ANOS1: variants seen among roughly 807,000 people sequenced by gnomAD.
ANOS1 encodes the protein anosmin-1.
Under a neutral mutation model 59.0 loss-of-function variants are expected in ANOS1, and 6 were observed. That is an observed-to-expected ratio of 0.10 (90% CI 0.06 to 0.20). The LOEUF is 0.20. ANOS1 is among the 10% of genes least tolerant of loss of function. ANOS1 has a pLI of 1.00. For synonymous variants in ANOS1, 217 were observed against 223.4 expected (o/e 0.97, Z 0.25); for missense variants, 433 against 542.3 (o/e 0.80, Z 2.00).
intron 2 of ANOS1, among the ~76,000 whole-genome samples, chrX:8,677,580 T>C (rs954007295): frequency 4.5e-5 from 5 of 111,455 alleles, no homozygotes; most frequent in African/African-American, 1.3e-4. Context: ...ACACCTACTA[T>C]GTACCCACAC....
chrX:8,614,183 C>A (rs139299421), intron 3 of ANOS1, among the ~76,000 whole-genome samples: 55 of 111,344 alleles, frequency 4.9e-4, no homozygotes, highest in African/African-American at 1.8e-3. Flanking sequence ...AATTTGTGCT[C>A]CATGTATCTC....
intron 2 of ANOS1, among the ~76,000 whole-genome samples, chrX:8,684,869 G>A (rs1468567941): frequency 9.0e-6 from 1 of 110,642 alleles, no homozygotes; most frequent in East Asian, 2.9e-4. Context: ...GCGGAAGCCA[G>A]AGGAGCTGCG....
rs767228836 is a variant in ANOS1, at chrX:8,649,880, G to T, written c.256-26210C>A. 3.6e-5 allele frequency among the ~76,000 whole-genome samples: 4 copies of T among 112,558 alleles called. No individual in the cohort carries two copies. In the East Asian group the frequency reaches 1.1e-3, roughly 32 times the overall value. ...TCAAGGTGGCCCCTCACTTGTAGGA[G>T]CCCCTTCCATGGCACTGGAAGAGAC... On this transcript the variant is annotated intron_variant, in intron 2 of 13. Transcript: ENST00000262648.
At chrX:8,547,980 G>A (rs1214773592) in intron 9 of ANOS1, among the ~76,000 whole-genome samples, 1 of 112,161 alleles carries the variant, frequency 8.9e-6, no homozygotes, top group Admixed American at 9.4e-5. Context: ...CTCCCAAAGT[G>A]CTGGGATTAC....
At chrX:8,651,148 G>C (rs988427686) in intron 2 of ANOS1, among the ~76,000 whole-genome samples, 1 of 112,160 alleles carries the variant, frequency 8.9e-6, no homozygotes, top group Non-Finnish European at 1.9e-5. Context: ...CGCTGAGGGC[G>C]GCCAAGCCAC....
intron 3 of ANOS1, among the ~76,000 whole-genome samples, chrX:8,608,897 T>A (rs1601976807): frequency 2.7e-5 from 3 of 112,315 alleles, no homozygotes; most frequent in African/African-American, 9.7e-5. Flanking sequence ...TTTCCTGAGG[T>A]CTCTCCAGCC....
At chrX:8,585,429 T>C (rs1184264827) in intron 5 of ANOS1, 33 bp from the exon 6 acceptor site, 7 of 1,207,019 alleles carry the variant, frequency 5.8e-6, no homozygotes, top group Non-Finnish European at 5.6e-6. Context: ...ACAGGGAACA[T>C]GTCACTTTTT....
chrX:8,617,124 C>G (rs2146841591), intron 3 of ANOS1, among the ~76,000 whole-genome samples: 1 of 112,014 alleles, frequency 8.9e-6, no homozygotes, highest in Admixed American at 9.5e-5. Context: ...GGTACAAATT[C>G]TATGTGCTTC....
At chrX:8,563,216 A>G (rs1930059766) in intron 8 of ANOS1, among the ~76,000 whole-genome samples, 1 of 112,061 alleles carries the variant, frequency 8.9e-6, no homozygotes, top group South Asian at 3.7e-4. Flanking sequence ...TTCCTTTTCT[A>G]ATCTATGTAA....
At chrX:8,621,774 A>G (rs1441952314) in intron 3 of ANOS1, among the ~76,000 whole-genome samples, 1 of 111,829 alleles carries the variant, frequency 8.9e-6, no homozygotes, top group Non-Finnish European at 1.9e-5. Context: ...ATTAGAATCA[A>G]GTTACCATCA....
chrX:8,565,833 T>C (rs1172513717), intron 8 of ANOS1: 1 of 144,814 alleles, frequency 6.9e-6, no homozygotes, highest in Non-Finnish European at 1.2e-5. Flanking sequence ...ATTTGAAATA[T>C]CTGCAAGCCA....
chrX:8,611,102 A>G (rs1931049128), intron 3 of ANOS1, among the ~76,000 whole-genome samples: 1 of 111,099 alleles, frequency 9.0e-6, no homozygotes, highest in Non-Finnish European at 1.9e-5. Context: ...ACATGGACAT[A>G]GGGAGGACAG....
At chrX:8,555,061 C>A (rs1929928087) in intron 8 of ANOS1, among the ~76,000 whole-genome samples, 1 of 111,643 alleles carries the variant, frequency 9.0e-6, no homozygotes, top group Non-Finnish European at 1.9e-5. Flanking sequence ...AATTAGAACT[C>A]AGGATTAAGA....
chrX:8,583,122 C>T (rs1391737830), intron 6 of ANOS1, among the ~76,000 whole-genome samples: 9 of 95,765 alleles, frequency 9.4e-5, no homozygotes, highest in Non-Finnish European at 1.7e-4. Context: ...TGCTTTTGGC[C>T]TTTTTTTTTT....
At position 8,664,337 on chromosome X, in the gene ANOS1, T is replaced by C. The variant is rs779433941; in HGVS notation, c.255+35361A>G. Among the ~76,000 whole-genome samples, 630 of 109,899 alleles carry C rather than the reference T, an allele frequency of 5.7e-3. 7 individuals carry two copies. Among genetic ancestry groups the C allele is most frequent in the African/African-American group, 0.019 (576 of 30,157 alleles). On this transcript the variant is annotated intron_variant, in intron 2 of 13. Coordinates refer to ENST00000262648, the MANE Select transcript of ANOS1 (RefSeq NM_000216.4). ...TCCCGAGTAGCTGGGACTACAGGAG[T>C]GCGCCACCACGCCCGGCTAATTTTT...
At chrX:8,619,465 G>A (rs140762483) in intron 3 of ANOS1, among the ~76,000 whole-genome samples, 1,302 of 110,834 alleles carry the variant, frequency 0.012, 28 homozygotes, top group African/African-American at 0.039. Context: ...TTAGCCGGGC[G>A]TGGTGATGCA....
chrX:8,556,094 A>T (rs752613335), intron 8 of ANOS1, among the ~76,000 whole-genome samples: 117 of 112,372 alleles, frequency 1.0e-3, no homozygotes, highest in African/African-American at 3.5e-3. Flanking sequence ...TGATTATCTC[A>T]ATAGATGCAG....
At chrX:8,567,138 A>G (rs780797884) in intron 8 of ANOS1, among the ~76,000 whole-genome samples, 12 of 112,480 alleles carry the variant, frequency 1.1e-4, no homozygotes, top group Admixed American at 3.8e-4. Context: ...GAACAAAGCC[A>G]GAAACATCAA....
At chrX:8,659,533 TTCTC>T (rs1569075584) in intron 2 of ANOS1, among the ~76,000 whole-genome samples, 2 of 95,292 alleles carry the variant, frequency 2.1e-5, no homozygotes, top group Non-Finnish European at 4.0e-5. Context: ...CTTTCTTTCT[TTCTC>T]TTTCCTTCCT....
Sources: gnomAD v4.1 joint callset for allele counts (sites outside exome capture counted in the v4.1 genomes callset) on GRCh38, gnomAD v4.1.1 for gene constraint, MANE v1.5 for transcripts, NCBI Gene and HGNC (gene_info 2026-07-23, HGNC 2026-07-21) for gene names.